The following PLXDC2 variants were observed in gnomAD, a reference collection of about 807,000 sequenced individuals.
PLXDC2 encodes the protein plexin domain containing 2.
PLXDC2 carries 40 observed loss-of-function variants against 68.9 expected under a neutral mutation model. The observed-to-expected ratio is 0.58, with a 90% CI of 0.45 to 0.76. The LOEUF is 0.76. PLXDC2 is among the 30% of genes least tolerant of loss of function. The pLI is 0.00. For synonymous variants in PLXDC2, 243 were observed against 234.2 expected (o/e 1.04, Z -0.34); for missense variants, 644 against 661.9 (o/e 0.97, Z 0.30).
chr10:19,820,873 T>G (rs1325592146), intron 1 of PLXDC2, among the ~76,000 whole-genome samples: 4 of 151,770 alleles, frequency 2.6e-5, no homozygotes, highest in Non-Finnish European at 5.9e-5. Flanking sequence ...AGGTGAGGAG[T>G]TCCAGACCAG....
At chr10:20,056,833 C>T (rs1035770793) in intron 3 of PLXDC2, among the ~76,000 whole-genome samples, 2 of 152,030 alleles carry the variant, frequency 1.3e-5, no homozygotes, top group Admixed American at 6.6e-5. Context: ...TCTCTATTAC[C>T]GGTGAAGGCT....
At position 19,940,330 on chromosome 10, in the gene PLXDC2, C is replaced by T. The variant is rs777816057; in HGVS notation, c.113-61445C>T. ...AATCTGCTAGGAAGTTTTAAATGCA[C>T]GTTAACATTCAGAATGATATATAGA... On this transcript the variant is annotated intron_variant, in intron 1 of 13. Transcript: ENST00000377252. 4.0e-5 allele frequency among the ~76,000 whole-genome samples: 6 copies of T among 151,888 alleles called. No homozygotes were observed. In the East Asian group the frequency reaches 9.6e-4, roughly 24 times the overall value.
chr10:20,224,094 C>A (rs1045498850), intron 12 of PLXDC2, among the ~76,000 whole-genome samples: 5 of 151,950 alleles, frequency 3.3e-5, no homozygotes, highest in Non-Finnish European at 7.4e-5. Flanking sequence ...CTGTCTCAGC[C>A]TCCCAAGTAG....
intron 12 of PLXDC2, among the ~76,000 whole-genome samples, chr10:20,236,938 T>A (rs892972250): frequency 6.6e-6 from 1 of 152,126 alleles, no homozygotes; most frequent in Non-Finnish European, 1.5e-5. Context: ...TTAATATTAT[T>A]TCATAGAAAT....
chr10:20,001,969 A>T lies in PLXDC2; in HGVS notation c.307A>T (p.Asn103Tyr). ...TDLLLDDGQD[N>Y]NTQIEEDTDH... ...CCTGCTGCTGGATGATGGGCAGGAC[A>T]ATAACACTCAGATCGAGGTAGATAA... Residue 103 changes from asparagine to tyrosine, a missense_variant, in exon 2 of 14, where the codon AAT (asparagine) becomes TAT (tyrosine). Physicochemically the swap from Asn to Tyr is moderately radical, Grantham distance 143. This residue lies in a region of PLXDC2 where 201 missense variants were observed against 166.9 expected (regional missense o/e 1.20). Transcript: ENST00000377252. 1 of 1,612,340 alleles carries T rather than the reference A, an allele frequency of 6.2e-7. No homozygotes were observed. Among genetic ancestry groups the T allele is most frequent in the Non-Finnish European group, 8.5e-7 (1 of 1,179,868 alleles).
At position 20,047,028 on chromosome 10, in the gene PLXDC2, A is replaced by G; in HGVS notation, c.471+13A>G. The G allele has an allele frequency of 1.3e-6, 2 of 1,578,062 alleles. No homozygotes were observed. Among genetic ancestry groups the G allele is most frequent in the Non-Finnish European group, 8.6e-7 (1 of 1,162,928 alleles). ...TCGGCAAGCTGCAGTAAGTGTTTGGACATTCAGGGTTCATTTTACCTACTG... is the reference window on the plus strand; with the variant it reads ...TCGGCAAGCTGCAGTAAGTGTTTGGGCATTCAGGGTTCATTTTACCTACTG... On this transcript the variant is annotated intron_variant, in intron 3 of 13. Transcript: ENST00000377252.
At chr10:20,175,242 A>G (rs1438532967) in intron 7 of PLXDC2, among the ~76,000 whole-genome samples, 2 of 152,312 alleles carry the variant, frequency 1.3e-5, no homozygotes, top group Non-Finnish European at 2.9e-5. Flanking sequence ...TTAATCCTCA[A>G]AGCAATGCAG....
rs751339773 is a variant in PLXDC2 at position 20,001,893 on chromosome 10, G to T, written c.231G>T (p.Thr77=). ...TGGACTTTCTCAAGGCGGTAGACAC[G>T]AACCGAGCAAGCGTCGGCCAAGACT... ...RNLDFLKAVD[T]NRASVGQDSP... Residue 77 remains threonine (T), a synonymous_variant, in exon 2 of 14, where the codon ACG becomes ACT. Coordinates refer to ENST00000377252, the MANE Select transcript of PLXDC2 (RefSeq NM_032812.9). 6.2e-7 allele frequency: 1 copy of T among 1,613,868 alleles called. No individual in the cohort carries two copies. The highest frequency in any genetic ancestry group is 2.2e-5 in the East Asian group (1 of 44,870).
At chr10:19,966,217 T>C (rs1437704853) in intron 1 of PLXDC2, among the ~76,000 whole-genome samples, 1 of 144,404 alleles carries the variant, frequency 6.9e-6, no homozygotes, top group Non-Finnish European at 1.5e-5. Flanking sequence ...ATATACTACG[T>C]ATACATATAT....
At chr10:20,178,331 T>C (rs1316643124) in intron 9 of PLXDC2, among the ~76,000 whole-genome samples, 4 of 152,284 alleles carry the variant, frequency 2.6e-5, no homozygotes, top group East Asian at 1.9e-4. Context: ...TAATCATTTG[T>C]TGGAAATACA....
intron 13 of PLXDC2, among the ~76,000 whole-genome samples, chr10:20,250,894 T>C (rs914557228): frequency 6.6e-5 from 10 of 152,224 alleles, no homozygotes; most frequent in African/African-American, 2.2e-4. Context: ...TGTGTATTTT[T>C]TTCTTGCAGA....
At chr10:19,839,855 T>C (rs1483873639) in intron 1 of PLXDC2, among the ~76,000 whole-genome samples, 1 of 152,208 alleles carries the variant, frequency 6.6e-6, no homozygotes, top group Non-Finnish European at 1.5e-5. Context: ...TAACATCTTA[T>C]GATAACAAAG....
chr10:19,854,526 A>G (rs1199656955), intron 1 of PLXDC2, among the ~76,000 whole-genome samples: 2 of 152,244 alleles, frequency 1.3e-5, no homozygotes, highest in Non-Finnish European at 2.9e-5. Context: ...TACACAGGAC[A>G]GTGCCCTACA....
intron 12 of PLXDC2, among the ~76,000 whole-genome samples, chr10:20,236,995 TTG>T (rs1482824933): frequency 7.7e-6 from 1 of 129,514 alleles, no homozygotes; most frequent in Non-Finnish European, 1.8e-5. Context: ...GGATTATGAG[TTG>T]TTGTTTTTTT....
At chr10:20,258,087 C>T (rs566771934) in intron 13 of PLXDC2, among the ~76,000 whole-genome samples, 5 of 148,328 alleles carry the variant, frequency 3.4e-5, no homozygotes, top group Admixed American at 6.8e-5. Flanking sequence ...CTGCAACCTC[C>T]GCCTCCCGAG....
chr10:19,982,122 A>G (rs572568890), intron 1 of PLXDC2, among the ~76,000 whole-genome samples: 1 of 152,366 alleles, frequency 6.6e-6, no homozygotes, highest in South Asian at 2.1e-4. Flanking sequence ...AAATGACAAG[A>G]AACTTTCCCC....
intron 4 of PLXDC2, among the ~76,000 whole-genome samples, chr10:20,091,414 C>T (rs1833274530): frequency 6.6e-6 from 1 of 152,206 alleles, no homozygotes; most frequent in African/African-American, 2.4e-5. Flanking sequence ...ATGTTTTCTA[C>T]ATACTTTCGG....
chr10:20,044,557 G>A lies in PLXDC2; in HGVS notation c.325-2312G>A, dbSNP rs571382044. On this transcript the variant is annotated intron_variant, in intron 2 of 13. Coordinates refer to ENST00000377252, the MANE Select transcript of PLXDC2 (RefSeq NM_032812.9). ...ACTCCTGACCTCAGGTGATCCACCC[G>A]CCTCGGCCTCCCAAAGTGTTGTGAT... Among the ~76,000 whole-genome samples the A allele has an allele frequency of 3.3e-5, 5 of 151,862 alleles. No homozygotes were observed. In the East Asian group the frequency reaches 7.8e-4, roughly 24 times the overall value.
At chr10:19,966,876 A>T (rs1834272387) in intron 1 of PLXDC2, among the ~76,000 whole-genome samples, 1 of 152,110 alleles carries the variant, frequency 6.6e-6, no homozygotes, top group African/African-American at 2.4e-5. Flanking sequence ...AGGGGGAAAC[A>T]CTGGGGAGAG....
Sources: gnomAD v4.1 joint callset for allele counts (sites outside exome capture counted in the v4.1 genomes callset) on GRCh38, gnomAD v4.1.1 for gene constraint, gnomAD v4.1.1 regional missense constraint, MANE v1.5 for transcripts, NCBI Gene and HGNC (gene_info 2026-07-23, HGNC 2026-07-21) for gene names.